ADGRE2: variants seen among roughly 807,000 people sequenced by gnomAD.
ADGRE2 encodes the protein adhesion G protein-coupled receptor E2.
Under a neutral mutation model 100.8 loss-of-function variants are expected in ADGRE2, and 83 were observed. The ratio of observed to expected loss-of-function variants is 0.82; its 90% CI spans 0.69 to 0.99. ADGRE2 has a LOEUF of 0.99. Among genes scored for constraint, ADGRE2 ranks in the 50% least tolerant of loss-of-function variants. The pLI, the probability that ADGRE2 is intolerant of heterozygous loss-of-function variation, is 0.00. For synonymous variants in ADGRE2, 355 were observed against 413.0 expected (o/e 0.86, Z 1.70); for missense variants, 814 against 1,035.7 (o/e 0.79, Z 2.94).
intron 14 of ADGRE2, among the ~76,000 whole-genome samples, chr19:14,754,411 G>A (rs1453218286): frequency 2.0e-5 from 3 of 151,790 alleles, no homozygotes; most frequent in Admixed American, 6.6e-5. Flanking sequence ...TCAGCTGCCA[G>A]CGTGGCTAGA....
chr19:14,776,975 T>TTCACACACAC, intron 1 of ADGRE2, 48 bp from the exon 2 acceptor site: 1 of 640,908 alleles, frequency 1.6e-6, no homozygotes. Flanking sequence ...CCAGGGGCGC[T>TTCACACACAC]GCACACACAC....
In ADGRE2 at chr19:14,733,093, A is replaced by G. The variant is rs1464871868; in HGVS notation, c.*3143T>C. 2 of 152,272 alleles carry G rather than the reference A, an allele frequency of 1.3e-5. No individual in the cohort carries two copies. Among genetic ancestry groups the G allele is most frequent in the African/African-American group, 2.4e-5 (1 of 41,536 alleles). The allele number at this position is 152,272 out of a possible 1,614,324, so 9.4% of individuals were successfully genotyped here. ...ATTCCCCATCTCACCTTAGCAGTCT[A>G]TATCAAGCAAAGGGCACGCAGAATC... On this transcript the variant is annotated 3_prime_UTR_variant, in exon 21 of 21. Coordinates refer to ENST00000315576, the MANE Select transcript of ADGRE2 (RefSeq NM_013447.4).
the ADGRE2 span, among the ~76,000 whole-genome samples, chr19:14,725,267 G>T: frequency 6.6e-6 from 1 of 152,092 alleles, no homozygotes; most frequent in African/African-American, 2.4e-5. Flanking sequence ...TGAGGGATTT[G>T]CCCCCATGAT....
chr19:14,746,886 T>C lies in ADGRE2; in HGVS notation c.2091+10A>G, dbSNP rs1300599638. 5 of 1,613,116 alleles carry C rather than the reference T, an allele frequency of 3.1e-6. No individual in the cohort carries two copies. The highest frequency in any genetic ancestry group is 1.3e-5 in the African/African-American group (1 of 74,858). ...CGGGGCAGCGAGGATGCTCAGATGA[T>C]GTCACTCACAGAGAAGATGGCGCAG... On this transcript the variant is annotated intron_variant, in intron 17 of 20. Transcript: ENST00000315576.
At chr19:14,752,547 G>T (rs2043334593) in intron 14 of ADGRE2, 21 bp from the exon 15 acceptor site, 1 of 1,611,854 alleles carries the variant, frequency 6.2e-7, no homozygotes, top group African/African-American at 1.3e-5. Context: ...GAAAAGAAGA[G>T]TTCACAGTGA....
downstream of ADGRE2, among the ~76,000 whole-genome samples, chr19:14,728,032 C>T (rs1249643287): frequency 1.3e-5 from 2 of 152,128 alleles, no homozygotes; most frequent in East Asian, 3.9e-4. Flanking sequence ...ACCATCCTGG[C>T]TAACACGGTG....
chr19:14,767,223 C>CCTTTT lies in ADGRE2; in HGVS notation c.356-119_356-115dup, dbSNP rs879473589. On this transcript the variant is annotated intron_variant, in intron 5 of 20. Transcript: ENST00000315576. ...ATCTGGAAGGCACCACTGTCTGCTC[C>CCTTTT]CTTTTCTTTTCTTTCTTTCTTTTTT... 1.3e-4 allele frequency: 195 copies of CCTTTT among 1,523,108 alleles called. No individual in the cohort carries two copies. The African/African-American group carries it at 2.4e-3, about 19-fold the overall frequency. The allele number at this position is 1,523,108 out of a possible 1,614,324, so 94.3% of individuals were successfully genotyped here.
At position 14,752,487 on chromosome 19, in the gene ADGRE2, G is replaced by A; in HGVS notation, c.1630C>T (p.Leu544=). 6.2e-7 allele frequency: 1 copy of A among 1,614,176 alleles called. No individual in the cohort carries two copies. Among genetic ancestry groups the A allele is most frequent in the Non-Finnish European group, 8.5e-7 (1 of 1,180,028 alleles). ...AGGAGGCACAGCAGAGAGACGCTCA[G>A]CCCCATGTAGGTGATGACAGTCAGC... ...PVLTVITYMG[L]SVSLLCLLLA... Residue 544 remains leucine (L), a synonymous_variant, in exon 15 of 21, where the codon CTG becomes TTG. Coordinates refer to ENST00000315576, the MANE Select transcript of ADGRE2 (RefSeq NM_013447.4).
At chr19:14,762,947 C>T (rs575652997) in intron 11 of ADGRE2, among the ~76,000 whole-genome samples, 12 of 152,272 alleles carry the variant, frequency 7.9e-5, no homozygotes, top group Non-Finnish European at 1.5e-4. Flanking sequence ...ATTACAGGCA[C>T]GCCCCACGTG....
chr19:14,728,520 T>C (rs1483955720), downstream of ADGRE2, among the ~76,000 whole-genome samples: 1 of 152,196 alleles, frequency 6.6e-6, no homozygotes, highest in Admixed American at 6.5e-5. Context: ...CTTTGAAGAA[T>C]TTCTTGAAGC....
chr19:14,743,018 A>G (rs1367995054), intron 20 of ADGRE2, among the ~76,000 whole-genome samples: 16 of 151,876 alleles, frequency 1.1e-4, no homozygotes, highest in Admixed American at 5.9e-4. Context: ...TACAGCCTCA[A>G]CCTACTGGGC....
intron 11 of ADGRE2, among the ~76,000 whole-genome samples, chr19:14,762,670 G>A (rs898078703): frequency 4.0e-5 from 6 of 151,300 alleles, no homozygotes; most frequent in African/African-American, 1.2e-4. Context: ...GAGATGGAGT[G>A]GCACTCTGTC....
chr19:14,762,801 G>C (rs113766228), intron 11 of ADGRE2, among the ~76,000 whole-genome samples: 183 of 151,782 alleles, frequency 1.2e-3, no homozygotes, highest in African/African-American at 4.1e-3. Context: ...GCACCACCAC[G>C]CCTGTCTAAT....
At position 14,737,643 on chromosome 19, in the gene ADGRE2, A is replaced by C. The variant is rs1568573871; in HGVS notation, c.2464-1399T>G. ...CCTAAACCCCAAGTTACCAAAGTTA[A>C]GAGGAAGTAAATGTGTTGCAGTAAA... On this transcript the variant is annotated intron_variant, in intron 20 of 20. Coordinates refer to ENST00000315576, the MANE Select transcript of ADGRE2 (RefSeq NM_013447.4). 2.0e-5 allele frequency among the ~76,000 whole-genome samples: 3 copies of C among 152,102 alleles called. No individual in the cohort carries two copies. The South Asian group carries it at 6.2e-4, about 32-fold the overall frequency.
At chr19:14,749,377 ATAT>A (rs2043193183) in intron 16 of ADGRE2, among the ~76,000 whole-genome samples, 2 of 143,360 alleles carry the variant, frequency 1.4e-5, no homozygotes, top group South Asian at 2.2e-4. Flanking sequence ...TAATGTGATC[ATAT>A]TATTTATAGT....
chr19:14,751,002 G>A (rs1486330044), intron 16 of ADGRE2, among the ~76,000 whole-genome samples: 1 of 151,872 alleles, frequency 6.6e-6, no homozygotes, highest in Non-Finnish European at 1.5e-5. Flanking sequence ...TTGTAAAGAA[G>A]GGGTCTTGCT....
rs1434312853 is a variant in ADGRE2, at chr19:14,733,208, C to T, written c.*3028G>A. ...CATGGAGGTTGAGGATCAGGAGTGA[C>T]TTGAGGGTACTGACTGGCAGAGCAG... On this transcript the variant is annotated 3_prime_UTR_variant, in exon 21 of 21. Transcript: ENST00000315576. The T allele has an allele frequency of 6.6e-6, 1 of 152,210 alleles. No homozygotes were observed. The allele number at this position is 152,210 out of a possible 1,614,324, so 9.4% of individuals were successfully genotyped here.
chr19:14,741,098 T>G (rs962649094), intron 20 of ADGRE2, among the ~76,000 whole-genome samples: 1 of 149,630 alleles, frequency 6.7e-6, no homozygotes, highest in South Asian at 2.1e-4. Context: ...GCTGTTTTTT[T>G]TTTTTTTTTT....
intron 16 of ADGRE2, among the ~76,000 whole-genome samples, chr19:14,748,655 C>T (rs2043166906): frequency 6.6e-6 from 1 of 152,158 alleles, no homozygotes; most frequent in Non-Finnish European, 1.5e-5. Context: ...TTTTTGTGGA[C>T]ATCGTTTTCA....
Sources: allele counts gnomAD v4.1 joint callset (sites outside exome capture counted in the v4.1 genomes callset), GRCh38; gene constraint gnomAD v4.1.1; transcripts MANE v1.5; gene names NCBI Gene and HGNC (gene_info 2026-07-23, HGNC 2026-07-21).